The following ADGRB3 variants were observed in gnomAD, a reference collection of about 807,000 sequenced individuals.
ADGRB3 encodes the protein adhesion G protein-coupled receptor B3.
Under a neutral mutation model 193.4 loss-of-function variants are expected in ADGRB3, and 37 were observed. The observed-to-expected ratio is 0.19, with a 90% CI of 0.15 to 0.25. The LOEUF (loss-of-function observed/expected upper bound fraction) is 0.25. Ranked by LOEUF, ADGRB3 falls within the 10% of genes least tolerant of loss-of-function variation. ADGRB3 has a pLI of 1.00. For synonymous variants in ADGRB3, 690 were observed against 644.2 expected (o/e 1.07, Z -1.08); for missense variants, 1,637 against 1,852.9 (o/e 0.88, Z 2.14).
intron 3 of ADGRB3, among the ~76,000 whole-genome samples, chr6:68,878,707 A>G (rs1765654870): frequency 6.6e-6 from 1 of 152,146 alleles, no homozygotes; most frequent in Admixed American, 6.5e-5. Flanking sequence ...GAATCCCTCA[A>G]AATGGCATGT....
intron 3 of ADGRB3, among the ~76,000 whole-genome samples, chr6:68,751,416 A>C (rs1351900361): frequency 6.6e-6 from 1 of 152,168 alleles, no homozygotes; most frequent in Non-Finnish European, 1.5e-5. Flanking sequence ...TTTCCATCTT[A>C]TCTCCTTCTT....
Position 68,820,062 on chromosome 6 carries a change from T to C in ADGRB3, c.758-110497T>C, listed in dbSNP as rs145279828. On this transcript the variant is annotated intron_variant, in intron 3 of 31. Coordinates refer to ENST00000370598, the MANE Select transcript of ADGRB3 (RefSeq NM_001704.3). ...ATTTTTTCCTCAAAGTAGCTTCCAT[T>C]GCCTTCTGCATCGACCTGGTACCCA... Among the ~76,000 whole-genome samples the C allele has an allele frequency of 3.9e-3, 588 of 152,166 alleles. 8 individuals are homozygous for C. Among genetic ancestry groups the C allele is most frequent in the Non-Finnish European group, 5.1e-3 (349 of 67,954 alleles).
intron 8 of ADGRB3, among the ~76,000 whole-genome samples, chr6:68,964,837 T>C (rs535279865): frequency 6.6e-6 from 1 of 152,206 alleles, no homozygotes; most frequent in Admixed American, 6.6e-5. Context: ...CATGGTTTGC[T>C]AACTTCCAGA....
At chr6:68,945,475 T>G (rs532776894) in intron 6 of ADGRB3, among the ~76,000 whole-genome samples, 1 of 152,182 alleles carries the variant, frequency 6.6e-6, no homozygotes, top group East Asian at 1.9e-4. Context: ...CCTTGTGCTT[T>G]CAACAAAGAT....
At chr6:69,157,092 G>A (rs1774862233) in intron 17 of ADGRB3, among the ~76,000 whole-genome samples, 1 of 152,166 alleles carries the variant, frequency 6.6e-6, no homozygotes, top group African/African-American at 2.4e-5. Flanking sequence ...CTTACTGGCT[G>A]TGCAACTGTG....
At chr6:69,257,906 C>T (rs1053342618) in intron 20 of ADGRB3, among the ~76,000 whole-genome samples, 7 of 152,168 alleles carry the variant, frequency 4.6e-5, no homozygotes, top group Non-Finnish European at 8.8e-5. Context: ...ATCCTCAGTG[C>T]TTGTTGGCAG....
At chr6:69,202,706 C>T (rs571640150) in intron 17 of ADGRB3, among the ~76,000 whole-genome samples, 338 of 152,248 alleles carry the variant, frequency 2.2e-3, no homozygotes, top group African/African-American at 7.6e-3. Context: ...TTATGAACAA[C>T]ATTTCTTATA....
At chr6:69,046,903 G>T (rs1771252542) in intron 13 of ADGRB3, among the ~76,000 whole-genome samples, 1 of 152,084 alleles carries the variant, frequency 6.6e-6, no homozygotes, top group Non-Finnish European at 1.5e-5. Context: ...TGTTGCCCAG[G>T]CTGGAGTGCA....
intron 17 of ADGRB3, among the ~76,000 whole-genome samples, chr6:69,138,307 A>G (rs1456742986): frequency 6.6e-6 from 1 of 152,162 alleles, no homozygotes; most frequent in Admixed American, 6.5e-5. Context: ...GTGGTTAACT[A>G]TTTCAGGGTC....
intron 3 of ADGRB3, among the ~76,000 whole-genome samples, chr6:68,733,396 A>G (rs1158401291): frequency 6.6e-6 from 1 of 151,796 alleles, no homozygotes; most frequent in Non-Finnish European, 1.5e-5. Context: ...AGAAAAGTAA[A>G]TAAAACACTG....
chr6:68,846,816 G>T (rs1768285689), intron 3 of ADGRB3, among the ~76,000 whole-genome samples: 1 of 152,228 alleles, frequency 6.6e-6, no homozygotes, highest in Non-Finnish European at 1.5e-5. Flanking sequence ...CTCACACAGA[G>T]TCCCTACTGG....
intron 3 of ADGRB3, among the ~76,000 whole-genome samples, chr6:68,644,227 A>G (rs909180270): frequency 4.6e-5 from 7 of 152,080 alleles, no homozygotes; most frequent in African/African-American, 1.7e-4. Flanking sequence ...GAAGATTGCT[A>G]TTATTTTTAT....
At chr6:69,134,672 C>T (rs895133601) in intron 17 of ADGRB3, among the ~76,000 whole-genome samples, 27 of 148,910 alleles carry the variant, frequency 1.8e-4, no homozygotes, top group East Asian at 3.9e-4. Context: ...CTTTATGAAG[C>T]GGAAACATAT....
chr6:68,859,505 G>A (rs1267862296), intron 3 of ADGRB3, among the ~76,000 whole-genome samples: 1 of 152,086 alleles, frequency 6.6e-6, no homozygotes, highest in Admixed American at 6.6e-5. Flanking sequence ...ATAAAGAAAA[G>A]TTTAATGGAC....
At chr6:68,659,921 A>G (rs1191786772) in intron 3 of ADGRB3, among the ~76,000 whole-genome samples, 10 of 151,072 alleles carry the variant, frequency 6.6e-5, no homozygotes, top group Admixed American at 6.6e-4. Context: ...TTCTTTTGCC[A>G]TAGTGATTTT....
chr6:69,040,440 A>G (rs1771020694), intron 13 of ADGRB3, among the ~76,000 whole-genome samples: 1 of 148,476 alleles, frequency 6.7e-6, no homozygotes, highest in African/African-American at 2.5e-5. Flanking sequence ...CTTTCACAAT[A>G]TGTAAGTGAA....
rs1300334120 is a variant in ADGRB3, at chr6:68,943,855, A to T, written c.1056A>T (p.Ser352=). The change falls in exon 6 of 32, where the codon TCA becomes TCT. Residue 352 remains serine, a synonymous_variant. Transcript: ENST00000370598. ...TACACGGAGTATGGGAGGAATGGTC[A>T]CCATGGAGTTTATGTTCATTTACAT... ...CPVHGVWEEW[S]PWSLCSFTCG... 6.2e-6 allele frequency: 10 copies of T among 1,613,356 alleles called. No individual in the cohort carries two copies. Among genetic ancestry groups the T allele is most frequent in the Non-Finnish European group, 8.5e-6 (10 of 1,179,546 alleles).
At chr6:68,947,065 A>G (rs1767792875) in intron 6 of ADGRB3, among the ~76,000 whole-genome samples, 1 of 152,128 alleles carries the variant, frequency 6.6e-6, no homozygotes, top group African/African-American at 2.4e-5. Context: ...GTTGTTAGTT[A>G]CTAATTTGCA....
At chr6:68,907,975 T>G (rs1766595164) in intron 3 of ADGRB3, among the ~76,000 whole-genome samples, 1 of 151,968 alleles carries the variant, frequency 6.6e-6, no homozygotes, top group Non-Finnish European at 1.5e-5. Flanking sequence ...TTTAATATTT[T>G]CTATTTCTTC....
Sources: allele counts gnomAD v4.1 joint callset (sites outside exome capture counted in the v4.1 genomes callset), GRCh38; gene constraint gnomAD v4.1.1; transcripts MANE v1.5; gene names NCBI Gene and HGNC (gene_info 2026-07-23, HGNC 2026-07-21).